Variants in GSG1L observed in about 807,000 individuals in gnomAD.
GSG1L encodes GSG1 like, also known as germ cell-specific gene 1-like protein.
A neutral mutation model predicts 42.1 loss-of-function variants in GSG1L; 24 were observed. The ratio of observed to expected loss-of-function variants is 0.57; its 90% CI spans 0.41 to 0.80. The LOEUF is 0.80. Ranked by LOEUF, GSG1L falls within the 30% of genes least tolerant of loss-of-function variation. The pLI is 0.00. For synonymous variants in GSG1L, 215 were observed against 203.5 expected (o/e 1.06, Z -0.48); for missense variants, 445 against 472.2 (o/e 0.94, Z 0.53).
At chr16:27,843,818 T>G (rs2083414087) in intron 4 of GSG1L, among the ~76,000 whole-genome samples, 1 of 152,176 alleles carries the variant, frequency 6.6e-6, no homozygotes, top group Non-Finnish European at 1.5e-5. Context: ...GCTCATGATA[T>G]TCCCCCAGCT....
intron 3 of GSG1L, among the ~76,000 whole-genome samples, chr16:27,848,906 G>A (rs756025749): frequency 6.6e-6 from 1 of 151,784 alleles, no homozygotes; most frequent in Non-Finnish European, 1.5e-5. Flanking sequence ...TGAGCAAGGG[G>A]TAGGATGGGC....
intron 3 of GSG1L, among the ~76,000 whole-genome samples, chr16:27,846,677 G>T (rs530444183): frequency 6.6e-6 from 1 of 152,132 alleles, no homozygotes; most frequent in African/African-American, 2.4e-5. Flanking sequence ...GACCCTGGCC[G>T]GGCACGGTGG....
Position 27,954,998 on chromosome 16 carries a change from G to T in GSG1L, c.397+8158C>A, listed in dbSNP as rs1392254325. On this transcript the variant is annotated intron_variant, in intron 2 of 6. Coordinates refer to ENST00000447459, the MANE Select transcript of GSG1L (RefSeq NM_001109763.2). ...TGGATGAGGAGTTTATAGCTCAGATGATTGGGAAGTCCATTGGCCAATATT... is the reference window on the plus strand; with the variant it reads ...TGGATGAGGAGTTTATAGCTCAGATTATTGGGAAGTCCATTGGCCAATATT... 2.4e-4 allele frequency among the ~76,000 whole-genome samples: 37 copies of T among 152,122 alleles called. 1 individual carries two copies. Among genetic ancestry groups the T allele is most frequent in the Admixed American group, 2.4e-3 (37 of 15,256 alleles).
At chr16:28,026,630 C>G (rs1412774361) in intron 1 of GSG1L, among the ~76,000 whole-genome samples, 1 of 152,192 alleles carries the variant, frequency 6.6e-6, no homozygotes, top group Admixed American at 6.5e-5. Context: ...ACACTGGGCC[C>G]CGTCCCTTCG....
intron 1 of GSG1L, among the ~76,000 whole-genome samples, chr16:28,009,528 C>T (rs901287872): frequency 3.9e-5 from 6 of 152,194 alleles, no homozygotes; most frequent in Non-Finnish European, 5.9e-5. Flanking sequence ...CACTGATTAC[C>T]GAGTATCTGG....
At chr16:27,859,861 G>A (rs1448661400) in intron 3 of GSG1L, among the ~76,000 whole-genome samples, 6 of 148,758 alleles carry the variant, frequency 4.0e-5, no homozygotes, top group Non-Finnish European at 7.4e-5. Context: ...TTTCATTTTT[G>A]CGCAGAAACA....
At chr16:27,889,932 T>C (rs2084104923) in intron 2 of GSG1L, among the ~76,000 whole-genome samples, 1 of 152,248 alleles carries the variant, frequency 6.6e-6, no homozygotes, top group African/African-American at 2.4e-5. Flanking sequence ...ATCACCCGTT[T>C]TGCAGACAAC....
At chr16:27,849,927 G>A (rs543821967) in intron 3 of GSG1L, among the ~76,000 whole-genome samples, 12 of 151,444 alleles carry the variant, frequency 7.9e-5, no homozygotes, top group African/African-American at 2.2e-4. Context: ...GGGTTTCAGC[G>A]TCTGGGCAGA....
At chr16:27,860,695 C>T (rs1342396819) in intron 3 of GSG1L, among the ~76,000 whole-genome samples, 1 of 152,160 alleles carries the variant, frequency 6.6e-6, no homozygotes, top group Admixed American at 6.5e-5. Flanking sequence ...TTTTAGACTC[C>T]CCAGCCATCT....
Position 27,884,724 on chromosome 16 carries a change from G to T in GSG1L, c.398-86C>A. On this transcript the variant is annotated intron_variant, in intron 2 of 6. Transcript: ENST00000447459. The surrounding 1 kb of genome is among the most constrained non-coding windows in gnomAD (Gnocchi z 4.4). ...TGCCTATTCCTCCCACAACAGCAGA[G>T]GGTAGCAAGTCATTCTAGAATAGAA... The T allele has an allele frequency of 7.5e-7, 1 of 1,324,526 alleles. No homozygotes were observed. The highest frequency in any genetic ancestry group is 1.4e-5 in the South Asian group (1 of 69,218). The allele number at this position is 1,324,526 out of a possible 1,614,324, so 82.0% of individuals were successfully genotyped here.
chr16:27,899,410 A>G (rs1033057309), intron 2 of GSG1L, among the ~76,000 whole-genome samples: 2 of 152,062 alleles, frequency 1.3e-5, no homozygotes, highest in Non-Finnish European at 2.9e-5. Flanking sequence ...GAGGAATTAC[A>G]TGAAACAGGT....
chr16:27,930,271 A>G (rs536074601), intron 2 of GSG1L, among the ~76,000 whole-genome samples: 36 of 152,098 alleles, frequency 2.4e-4, no homozygotes, highest in Non-Finnish European at 4.1e-4. Context: ...TTTTCCTGTG[A>G]TGCCTCACTG....
At chr16:27,974,163 C>A (rs1021800650) in intron 1 of GSG1L, among the ~76,000 whole-genome samples, 1 of 152,092 alleles carries the variant, frequency 6.6e-6, no homozygotes, top group African/African-American at 2.4e-5. Flanking sequence ...AGGGAGGGGA[C>A]AGCAGAGGGA....
chr16:27,907,474 T>C (rs1283725301), intron 2 of GSG1L, among the ~76,000 whole-genome samples: 2 of 152,252 alleles, frequency 1.3e-5, no homozygotes, highest in African/African-American at 2.4e-5. Flanking sequence ...CCTGGAATGT[T>C]TGCTCATTTC....
intron 4 of GSG1L, among the ~76,000 whole-genome samples, chr16:27,833,915 G>A (rs2083296851): frequency 6.6e-6 from 1 of 151,922 alleles, no homozygotes; most frequent in Admixed American, 6.6e-5. Flanking sequence ...ATTACAATCT[G>A]TATACTTTTT....
intron 2 of GSG1L, among the ~76,000 whole-genome samples, chr16:27,921,488 T>C (rs2084524035): frequency 6.6e-6 from 1 of 152,174 alleles, no homozygotes; most frequent in Admixed American, 6.5e-5. Flanking sequence ...CCTGTTAACT[T>C]TTACAGCCTC....
At chr16:27,857,772 G>C (rs6498039) in intron 3 of GSG1L, among the ~76,000 whole-genome samples, 1 of 151,468 alleles carries the variant, frequency 6.6e-6, no homozygotes. Context: ...TTTTGTGTCT[G>C]CCTCTCTCTC....
At position 28,024,602 on chromosome 16, in the gene GSG1L, G is replaced by A. The variant is rs145002835; in HGVS notation, c.349+38474C>T. 1.7e-3 allele frequency among the ~76,000 whole-genome samples: 257 copies of A among 152,254 alleles called. 1 individual carries two copies. Among genetic ancestry groups the A allele is most frequent in the African/African-American group, 5.7e-3 (236 of 41,556 alleles). ...AGAGAGGGTGAAATACAGCAGCAAG[G>A]GCAGAAGTCGCCCTCAGAGATGTCC... On this transcript the variant is annotated intron_variant, in intron 1 of 6. Coordinates refer to ENST00000447459, the MANE Select transcript of GSG1L (RefSeq NM_001109763.2).
intron 6 of GSG1L, among the ~76,000 whole-genome samples, chr16:27,795,350 G>C (rs1281779508): frequency 6.6e-6 from 1 of 152,160 alleles, no homozygotes; most frequent in African/African-American, 2.4e-5. Context: ...CAGGGGGCTG[G>C]GGAGACCGTA....
Sources: allele counts gnomAD v4.1 joint callset (sites outside exome capture counted in the v4.1 genomes callset), GRCh38; gene constraint gnomAD v4.1.1; non-coding constraint Gnocchi (gnomAD v3.1); transcripts MANE v1.5; gene names NCBI Gene and HGNC (gene_info 2026-07-23, HGNC 2026-07-21).